PDE4D: variants seen among roughly 807,000 people sequenced by gnomAD.
The protein encoded by PDE4D is 3',5'-cyclic-AMP phosphodiesterase 4D.
A neutral mutation model predicts 87.4 loss-of-function variants in PDE4D; 24 were observed. That is an observed-to-expected ratio of 0.27 (90% CI 0.20 to 0.39). PDE4D has a LOEUF of 0.39. PDE4D is among the 10% of genes least tolerant of loss of function. The probability of loss-of-function intolerance (pLI) is 1.00; values close to 1 mark genes in which losing one functional copy is unlikely to be tolerated. For synonymous variants in PDE4D, 384 were observed against 383.2 expected, an observed-to-expected ratio of 1.00 and a Z score of -0.02; for missense variants, 714 against 1,041.0, an observed-to-expected ratio of 0.69 and a Z score of 4.32.
intron 3 of PDE4D, among the ~76,000 whole-genome samples, chr5:59,973,828 G>A (rs902028874): frequency 1.3e-5 from 2 of 152,072 alleles, no homozygotes; most frequent in Admixed American, 6.6e-5. Flanking sequence ...GTTTCAAACA[G>A]TGTAAATTAA....
At chr5:59,337,338 T>G (rs1298911153) in intron 1 of PDE4D, among the ~76,000 whole-genome samples, 11 of 96,946 alleles carry the variant, frequency 1.1e-4, no homozygotes, top group African/African-American at 7.4e-4. Flanking sequence ...CCCCCCCACC[T>G]TTTTTTTTTT....
intron 1 of PDE4D, among the ~76,000 whole-genome samples, chr5:59,774,421 GT>G (rs1026886581): frequency 6.6e-6 from 1 of 152,132 alleles, no homozygotes; most frequent in Admixed American, 6.5e-5. Flanking sequence ...CCAGTAAACA[GT>G]TTTTTTAAGA....
At chr5:59,372,812 C>T (rs897686243) in intron 1 of PDE4D, among the ~76,000 whole-genome samples, 1 of 152,148 alleles carries the variant, frequency 6.6e-6, no homozygotes, top group Non-Finnish European at 1.5e-5. Flanking sequence ...ATCTCAGCAC[C>T]CCTAGCTGAG....
intron 2 of PDE4D, among the ~76,000 whole-genome samples, chr5:60,180,097 G>T (rs1243910138): frequency 6.6e-6 from 1 of 152,100 alleles, no homozygotes; most frequent in Non-Finnish European, 1.5e-5. Flanking sequence ...AAATGAAATA[G>T]CAAACACATC....
chr5:59,612,232 G>T (rs868203265), intron 1 of PDE4D, among the ~76,000 whole-genome samples: 1 of 52,760 alleles, frequency 1.9e-5, no homozygotes, highest in African/African-American at 7.9e-5. Context: ...GATTGACACT[G>T]TTTTTTTTGT....
At chr5:60,401,277 A>G (rs1327660464) in intron 1 of PDE4D, among the ~76,000 whole-genome samples, 1 of 152,218 alleles carries the variant, frequency 6.6e-6, no homozygotes, top group Admixed American at 6.5e-5. Flanking sequence ...CAGTGGGCAT[A>G]CTCAAGACTT....
chr5:60,098,578 G>GT (rs1366038033), intron 2 of PDE4D, among the ~76,000 whole-genome samples: 1 of 151,862 alleles, frequency 6.6e-6, no homozygotes, highest in Non-Finnish European at 1.5e-5. Context: ...TTCTCAAATA[G>GT]TTTGTTGTTA....
At chr5:59,002,970 A>G (rs922741445) in intron 6 of PDE4D, among the ~76,000 whole-genome samples, 1 of 152,208 alleles carries the variant, frequency 6.6e-6, no homozygotes, top group African/African-American at 2.4e-5. Flanking sequence ...AGTGACAATG[A>G]TCATTATGAT....
At chr5:60,390,000 A>G (rs1407935662) in intron 1 of PDE4D, among the ~76,000 whole-genome samples, 1 of 152,184 alleles carries the variant, frequency 6.6e-6, no homozygotes, top group African/African-American at 2.4e-5. Flanking sequence ...TCTCGCTCTC[A>G]TAGATCTTTG....
At chr5:59,079,013 GCCAGCA>G (rs1305511151) in intron 5 of PDE4D, among the ~76,000 whole-genome samples, 1 of 152,110 alleles carries the variant, frequency 6.6e-6, no homozygotes, top group African/African-American at 2.4e-5. Flanking sequence ...CTTAACAGAT[GCCAGCA>G]CCTTGATTTT....
At chr5:60,326,696 G>A (rs543227293) in intron 1 of PDE4D, among the ~76,000 whole-genome samples, 4 of 152,016 alleles carry the variant, frequency 2.6e-5, no homozygotes, top group Non-Finnish European at 4.4e-5. Flanking sequence ...AGAGCTATTC[G>A]CTCACTGACA....
intron 5 of PDE4D, among the ~76,000 whole-genome samples, chr5:59,042,322 T>C (rs1164437706): frequency 1.3e-5 from 2 of 152,142 alleles, no homozygotes; most frequent in Non-Finnish European, 2.9e-5. Flanking sequence ...TAACTGACCT[T>C]TTCATCCCGC....
In PDE4D at chr5:59,765,046, C is replaced by T. The variant is rs79698963; in HGVS notation, c.455+128122G>A. On this transcript the variant is annotated intron_variant, in intron 1 of 14. Transcript: ENST00000340635. ...ACATTTATTAAGCTTCCACCATTGA[C>T]CAGCCATCATGCCAAGCATGGGTAT... is the stretch of plus-strand genomic sequence containing the variant. 9.5e-3 allele frequency among the ~76,000 whole-genome samples: 1,451 copies of T among 152,268 alleles called. 68 individuals carry two copies. The East Asian group carries it at 0.16, about 17-fold the overall frequency.
In PDE4D at chr5:59,191,423, A is replaced by G. The variant is rs577368077; in HGVS notation, c.684+2077T>C. 3.9e-5 allele frequency among the ~76,000 whole-genome samples: 6 copies of G among 152,092 alleles called. No individual in the cohort carries two copies. The South Asian group carries it at 1.2e-3, about 31-fold the overall frequency. ...TTTTTCTTATAATAATACCTAGATCATTTGGTTAGAAACAAGAATAGCTAC... is the reference window on the plus strand; with the variant it reads ...TTTTTCTTATAATAATACCTAGATCGTTTGGTTAGAAACAAGAATAGCTAC... On this transcript the variant is annotated intron_variant, in intron 3 of 14. Coordinates refer to ENST00000340635, the MANE Select transcript of PDE4D (RefSeq NM_001104631.2).
At chr5:59,285,630 A>AT (rs1421600813) in intron 1 of PDE4D, among the ~76,000 whole-genome samples, 1 of 152,168 alleles carries the variant, frequency 6.6e-6, no homozygotes, top group Non-Finnish European at 1.5e-5. Context: ...GAAGCGAAAA[A>AT]TTTTTTGTTA....
chr5:59,866,533 TA>T (rs1303189899), intron 1 of PDE4D, among the ~76,000 whole-genome samples: 10 of 152,200 alleles, frequency 6.6e-5, no homozygotes, highest in Non-Finnish European at 2.9e-5. Context: ...CCTGTAATCC[TA>T]GCACTCCGGA....
chr5:59,303,686 G>A (rs1029050777), intron 1 of PDE4D, among the ~76,000 whole-genome samples: 4 of 152,070 alleles, frequency 2.6e-5, no homozygotes, highest in African/African-American at 4.8e-5. Context: ...CTTTGTTGAA[G>A]ATCAGTTGGC....
chr5:59,411,605 C>T (rs1295243014), intron 1 of PDE4D, among the ~76,000 whole-genome samples: 1 of 152,136 alleles, frequency 6.6e-6, no homozygotes, highest in African/African-American at 2.4e-5. Flanking sequence ...TCTCTGTGTG[C>T]ATGTGTCTAA....
intron 1 of PDE4D, among the ~76,000 whole-genome samples, chr5:59,513,762 G>A (rs1229685836): frequency 6.6e-6 from 1 of 152,218 alleles, no homozygotes; most frequent in African/African-American, 2.4e-5. Context: ...ATCAAACTGA[G>A]TGGTAACAAA....
Sources: allele counts gnomAD v4.1 joint callset (sites outside exome capture counted in the v4.1 genomes callset), GRCh38; gene constraint gnomAD v4.1.1; transcripts MANE v1.5; gene names NCBI Gene and HGNC (gene_info 2026-07-23, HGNC 2026-07-21).